The following CALN1 variants were observed in gnomAD, a reference collection of about 807,000 sequenced individuals.
The protein encoded by CALN1 is calcium-binding protein 8.
In CALN1, 17 loss-of-function variants were observed where a neutral mutation model predicts 30.6. The observed-to-expected ratio is 0.56, with a 90% CI of 0.38 to 0.83. CALN1 has a LOEUF of 0.83. Among genes scored for constraint, CALN1 ranks in the 40% least tolerant of loss-of-function variants. The pLI is 0.00. For missense variants in CALN1, 291 were observed against 354.9 expected (o/e 0.82, Z 1.45); for synonymous variants, 156 against 131.4 (o/e 1.19, Z -1.28).
intron 3 of CALN1, among the ~76,000 whole-genome samples, chr7:72,168,249 G>T (rs1418467190): frequency 7.8e-6 from 1 of 128,422 alleles, no homozygotes; most frequent in South Asian, 2.5e-4. Context: ...AAAAAAAAAA[G>T]AAATAACTTG....
At chr7:72,403,759 C>T (rs554714086) in intron 1 of CALN1, among the ~76,000 whole-genome samples, 1 of 152,150 alleles carries the variant, frequency 6.6e-6, no homozygotes, top group Non-Finnish European at 1.5e-5. Context: ...AAAGCTATAG[C>T]CGCCAAAGTG....
At position 72,215,423 on chromosome 7, in the gene CALN1, G is replaced by A. The variant is rs551277477; in HGVS notation, c.244+63263C>T. On this transcript the variant is annotated intron_variant, in intron 3 of 6. Coordinates refer to ENST00000395275, the MANE Select transcript of CALN1 (RefSeq NM_031468.4). The stretch of plus-strand genomic sequence containing the variant: ...AGCCTGGTCAACATGGTGAAACCCC[G>A]TCTCTACCAAAAATACAAAAATTAG... Among the ~76,000 whole-genome samples, 19 of 151,982 alleles carry A rather than the reference G, an allele frequency of 1.3e-4. No individual in the cohort carries two copies. In the South Asian group the frequency reaches 2.5e-3, roughly 20 times the overall value.
At chr7:72,099,664 A>G (rs1022565632) in intron 4 of CALN1, among the ~76,000 whole-genome samples, 1 of 151,996 alleles carries the variant, frequency 6.6e-6, no homozygotes, top group Non-Finnish European at 1.5e-5. Context: ...GACTGTATAA[A>G]TTTTTGTGGC....
intron 5 of CALN1, among the ~76,000 whole-genome samples, chr7:71,913,437 G>GCC (rs1794527504): frequency 1.3e-5 from 2 of 152,204 alleles, no homozygotes; most frequent in Non-Finnish European, 2.9e-5. Flanking sequence ...GATGAACAGT[G>GCC]CTCATTGTAG....
At chr7:71,807,708 G>A (rs1787700312) in intron 6 of CALN1, among the ~76,000 whole-genome samples, 1 of 151,988 alleles carries the variant, frequency 6.6e-6, no homozygotes, top group Non-Finnish European at 1.5e-5. Context: ...GGGATGCTGA[G>A]GAGGGGGAAT....
At chr7:72,200,008 C>A (rs1791311058) in intron 3 of CALN1, among the ~76,000 whole-genome samples, 4 of 152,298 alleles carry the variant, frequency 2.6e-5, no homozygotes, top group South Asian at 4.1e-4. Context: ...CTCTACTATG[C>A]CCCCTTCAAT....
intron 2 of CALN1, among the ~76,000 whole-genome samples, chr7:72,291,612 G>T (rs1798482208): frequency 6.6e-6 from 1 of 152,142 alleles, no homozygotes. Flanking sequence ...CATTGATCTG[G>T]GAAGAAAATA....
At chr7:72,017,397 CAAAG>C (rs1800456919) in intron 5 of CALN1, among the ~76,000 whole-genome samples, 1 of 152,080 alleles carries the variant, frequency 6.6e-6, no homozygotes, top group Admixed American at 6.5e-5. Context: ...CAGGGAGAGG[CAAAG>C]CAAGTCAGCG....
chr7:71,810,430 G>C lies in CALN1; in HGVS notation c.564C>G (p.Asp188Glu). 1 of 1,614,102 alleles carries C rather than the reference G, an allele frequency of 6.2e-7. No individual in the cohort carries two copies. The highest frequency in any genetic ancestry group is 8.5e-7 in the Non-Finnish European group (1 of 1,179,992). Residue 188 changes from aspartate to glutamate, a missense_variant, in exon 6 of 7, where the codon GAC (aspartate) becomes GAG (glutamate). Physicochemically the swap from Asp to Glu is conservative, Grantham distance 45. Around this residue, in one of 2 missense-constraint regions of CALN1, gnomAD observed 169 missense variants for 251.7 expected, o/e 0.67. Transcript: ENST00000395275. Reference protein sequence around the residue: ...LKHILYHAFRDHLTMKDIENI... With the variant: ...LKHILYHAFREHLTMKDIENI... ...TCTCAATGTCCTTCATCGTTAGGTGGTCTCGGAAGGCATGATAGAGAATGT... is the reference window on the plus strand; with the variant it reads ...TCTCAATGTCCTTCATCGTTAGGTGCTCTCGGAAGGCATGATAGAGAATGT...
intron 4 of CALN1, among the ~76,000 whole-genome samples, chr7:72,069,153 G>A (rs1179489813): frequency 3.3e-5 from 5 of 152,170 alleles, no homozygotes; most frequent in African/African-American, 1.2e-4. Flanking sequence ...GGAGACGTCC[G>A]TGCGGAATCG....
intron 4 of CALN1, among the ~76,000 whole-genome samples, chr7:72,097,647 C>CACAAAAAAAAAAAA (rs1806333499): frequency 7.7e-6 from 1 of 130,270 alleles, no homozygotes. Flanking sequence ...TATGTCTACC[C>CACAAAAAAAAAAAA]AAAAAAAAAA....
intron 5 of CALN1, among the ~76,000 whole-genome samples, chr7:71,855,666 T>A (rs1218931613): frequency 2.6e-5 from 4 of 152,186 alleles, no homozygotes; most frequent in Non-Finnish European, 5.9e-5. Context: ...AGTCCCCTAG[T>A]GGCAGTGAGG....
At chr7:72,002,499 T>A (rs1380959265) in intron 5 of CALN1, among the ~76,000 whole-genome samples, 7 of 152,032 alleles carry the variant, frequency 4.6e-5, no homozygotes, top group Non-Finnish European at 1.0e-4. Context: ...GTTGAAAAAT[T>A]GTAAGTTGAA....
intron 1 of CALN1, among the ~76,000 whole-genome samples, chr7:72,431,792 TA>T (rs1360396047): frequency 6.9e-6 from 1 of 144,208 alleles, no homozygotes; most frequent in Non-Finnish European, 1.5e-5. Flanking sequence ...CAGGGAGCCA[TA>T]ATCATGCTAT....
At chr7:72,277,342 G>A (rs1187080108) in intron 3 of CALN1, among the ~76,000 whole-genome samples, 1 of 152,218 alleles carries the variant, frequency 6.6e-6, no homozygotes, top group Non-Finnish European at 1.5e-5. Flanking sequence ...TTTGGAGGAG[G>A]TCAGAGCTCA....
chr7:72,034,365 A>AG (rs1801652099), intron 4 of CALN1, among the ~76,000 whole-genome samples: 1 of 151,080 alleles, frequency 6.6e-6, no homozygotes, highest in Non-Finnish European at 1.5e-5. Flanking sequence ...AAAAAAAAAA[A>AG]AAAAAGAAAA....
chr7:72,373,788 G>A (rs916436824), intron 2 of CALN1, among the ~76,000 whole-genome samples: 14 of 152,172 alleles, frequency 9.2e-5, no homozygotes, highest in African/African-American at 3.4e-4. Flanking sequence ...ATCAGAAACA[G>A]AGTAAGTCCC....
intron 2 of CALN1, among the ~76,000 whole-genome samples, chr7:72,364,874 A>C (rs891192721): frequency 6.6e-6 from 1 of 152,224 alleles, no homozygotes; most frequent in African/African-American, 2.4e-5. Flanking sequence ...GTCTCTACTA[A>C]AAACACAAAA....
At chr7:72,241,620 C>A (rs1369241455) in intron 3 of CALN1, among the ~76,000 whole-genome samples, 3 of 151,994 alleles carry the variant, frequency 2.0e-5, no homozygotes, top group African/African-American at 7.3e-5. Context: ...GCAGGAAAAT[C>A]GCTTGAATCC....
Sources: allele counts gnomAD v4.1 joint callset (sites outside exome capture counted in the v4.1 genomes callset), GRCh38; gene constraint gnomAD v4.1.1; regional missense constraint gnomAD v4.1.1; transcripts MANE v1.5; gene names NCBI Gene and HGNC (gene_info 2026-07-23, HGNC 2026-07-21).